ZGRF1: variants seen among roughly 807,000 people sequenced by gnomAD.
ZGRF1 encodes the protein zinc finger GRF-type containing 1, also known as 5'-3' DNA helicase ZGRF1.
Under a neutral mutation model 203.5 loss-of-function variants are expected in ZGRF1, and 196 were observed. That is an observed-to-expected ratio of 0.96 (90% CI 0.86 to 1.08). ZGRF1 has a LOEUF of 1.08. Among genes scored for constraint, ZGRF1 ranks in the 50% least tolerant of loss-of-function variants. ZGRF1 has a pLI of 0.00. For synonymous variants in ZGRF1, 809 were observed against 841.3 expected, an observed-to-expected ratio of 0.96 and a Z score of 0.66; for missense variants, 2,326 against 2,416.3, an observed-to-expected ratio of 0.96 and a Z score of 0.78.
intron 18 of ZGRF1, 96 bp downstream of exon 18, chr4:112,562,275 G>T: frequency 4.3e-6 from 3 of 693,148 alleles, no homozygotes; most frequent in Non-Finnish European, 2.6e-6. Context: ...CAATTTTATT[G>T]GCAACATTTA....
chr4:112,612,260 C>T (rs1213324789), intron 7 of ZGRF1, among the ~76,000 whole-genome samples: 2 of 152,204 alleles, frequency 1.3e-5, no homozygotes, highest in Non-Finnish European at 2.9e-5. Context: ...GCCTCCACGT[C>T]CAGCCATGTA....
intron 17 of ZGRF1, 90 bp from the exon 18 acceptor site, chr4:112,562,575 A>G (rs1742208266): frequency 1.3e-6 from 1 of 761,274 alleles, no homozygotes. Flanking sequence ...CTCAGAGTTC[A>G]GCTACTGAAT....
intron 10 of ZGRF1, among the ~76,000 whole-genome samples, chr4:112,602,316 T>C (rs1578414940): frequency 6.6e-6 from 1 of 152,114 alleles, no homozygotes; most frequent in African/African-American, 2.4e-5. Context: ...AAATGCAAAT[T>C]AAAACTACAA....
At chr4:112,598,517 A>T (rs889244764) in intron 10 of ZGRF1, among the ~76,000 whole-genome samples, 2 of 152,042 alleles carry the variant, frequency 1.3e-5, no homozygotes, top group Non-Finnish European at 2.9e-5. Context: ...GCCTGGAAGA[A>T]TATAAAGGAG....
intron 4 of ZGRF1, among the ~76,000 whole-genome samples, chr4:112,622,505 G>A (rs1450782823): frequency 6.9e-5 from 10 of 144,546 alleles, no homozygotes; most frequent in African/African-American, 2.0e-4. Flanking sequence ...GGGCAACAGA[G>A]GGAGACTCCA....
chr4:112,623,982 A>G (rs1410126509), intron 3 of ZGRF1, 106 bp from the exon 4 acceptor site: 3 of 643,022 alleles, frequency 4.7e-6, no homozygotes, highest in East Asian at 2.8e-5. Context: ...TCATATAATG[A>G]AAGGATTACA....
chr4:112,609,300 G>A (rs374289796), intron 8 of ZGRF1, 79 bp downstream of exon 8: 22 of 572,116 alleles, frequency 3.8e-5, no homozygotes, highest in Admixed American at 1.2e-4. Flanking sequence ...TGATCCACCC[G>A]CCTCAGCCTC....
Position 112,587,630 on chromosome 4 carries a change from G to A in ZGRF1, c.3427C>T (p.Gln1143Ter). 6.2e-7 allele frequency: 1 copy of A among 1,613,804 alleles called. No individual in the cohort carries two copies. Residue 1143 changes from glutamine (Q) to a stop codon, truncating the protein, a stop_gained, in exon 12 of 28, where the codon CAG (glutamine) becomes TAG (stop). Transcript: ENST00000505019. LOFTEE classifies it high-confidence loss of function. Reference sequence around the variant, plus strand: ...TTTTGATATTTCAGCCACTTGCTCTGAGTAGATATATTATTAAGTGAAACA... The same window carrying A: ...TTTTGATATTTCAGCCACTTGCTCTAAGTAGATATATTATTAAGTGAAACA... ...GDVSLNNIST[Q>*]SKWLKYQNTS...
At position 112,605,903 on chromosome 4, in the gene ZGRF1, C is replaced by T; in HGVS notation, c.2802+105G>A. On this transcript the variant is annotated intron_variant, in intron 9 of 27. Transcript: ENST00000505019. ...CCAGACTTATTTATTATGCTACTAA[C>T]CTTCTGCCTGTGAAAACTCTGATAC... The T allele has an allele frequency of 4.0e-6, 3 of 748,728 alleles. No individual in the cohort carries two copies. In the South Asian group the frequency reaches 4.6e-5, roughly 11 times the overall value. 46.4% of individuals were successfully genotyped at this position (748,728 alleles called of 1,614,324 possible).
chr4:112,591,157 T>C (rs1442378066), intron 10 of ZGRF1, among the ~76,000 whole-genome samples: 1 of 152,212 alleles, frequency 6.6e-6, no homozygotes, highest in African/African-American at 2.4e-5. Context: ...GAGTTCTTAC[T>C]ATATGCCAAC....
intron 6 of ZGRF1, among the ~76,000 whole-genome samples, chr4:112,616,958 C>T (rs1001133744): frequency 6.6e-6 from 1 of 151,868 alleles, no homozygotes; most frequent in Non-Finnish European, 1.5e-5. Context: ...TCCCTAGTAC[C>T]TGTCCAAAAA....
At chr4:112,625,435 A>AG (rs1199023024) in intron 3 of ZGRF1, among the ~76,000 whole-genome samples, 1 of 151,730 alleles carries the variant, frequency 6.6e-6, no homozygotes, top group African/African-American at 2.4e-5. Context: ...ATACAAAAAA[A>AG]TTAGCCGGGC....
chr4:112,610,997 T>C, intron 7 of ZGRF1: 1 of 253,046 alleles, frequency 4.0e-6, no homozygotes. Context: ...CAGGGTAGGT[T>C]TTATTTTTTT....
intron 9 of ZGRF1, among the ~76,000 whole-genome samples, chr4:112,604,386 C>T (rs1054416641): frequency 6.6e-6 from 1 of 152,090 alleles, no homozygotes; most frequent in Non-Finnish European, 1.5e-5. Flanking sequence ...CTATGCATTA[C>T]ATACAATACT....
intron 11 of ZGRF1, among the ~76,000 whole-genome samples, chr4:112,589,242 G>A (rs1461201165): frequency 6.6e-6 from 1 of 152,166 alleles, no homozygotes; most frequent in East Asian, 1.9e-4. Context: ...CTGACTCATA[G>A]TGAAGGGCCA....
At chr4:112,616,018 A>G (rs550890913) in intron 6 of ZGRF1, among the ~76,000 whole-genome samples, 1 of 152,182 alleles carries the variant, frequency 6.6e-6, no homozygotes, top group Non-Finnish European at 1.5e-5. Context: ...AGTAGGTACA[A>G]TAAGTTAATT....
intron 20 of ZGRF1, among the ~76,000 whole-genome samples, chr4:112,555,502 T>C (rs1269178578): frequency 6.6e-6 from 1 of 152,204 alleles, no homozygotes; most frequent in Non-Finnish European, 1.5e-5. Flanking sequence ...CAAACTAGTG[T>C]CAATACATGA....
intron 22 of ZGRF1, among the ~76,000 whole-genome samples, chr4:112,548,928 A>C (rs1275069732): frequency 6.4e-5 from 2 of 31,308 alleles, no homozygotes; most frequent in Non-Finnish European, 1.2e-4. Context: ...TCCCGGCTAA[A>C]ACGGTGAAAC....
At chr4:112,567,669 T>C (rs1490161188) in intron 16 of ZGRF1, among the ~76,000 whole-genome samples, 1 of 152,146 alleles carries the variant, frequency 6.6e-6, no homozygotes, top group East Asian at 1.9e-4. Context: ...CTCACACCTA[T>C]AATCCCAACA....
Sources: allele counts gnomAD v4.1 joint callset (sites outside exome capture counted in the v4.1 genomes callset), GRCh38; gene constraint gnomAD v4.1.1; transcripts MANE v1.5; gene names NCBI Gene and HGNC (gene_info 2026-07-23, HGNC 2026-07-21).